Variants in ARPP21 observed in about 807,000 individuals in gnomAD.
The protein encoded by ARPP21 is cAMP-regulated phosphoprotein 21.
A neutral mutation model predicts 113.2 loss-of-function variants in ARPP21; 69 were observed. That is an observed-to-expected ratio of 0.61 (90% CI 0.50 to 0.74). The LOEUF is 0.74. Ranked by LOEUF, ARPP21 falls within the 30% of genes least tolerant of loss-of-function variation. The pLI is 0.00. For synonymous variants in ARPP21, 368 were observed against 375.5 expected (o/e 0.98, Z 0.23); for missense variants, 1,070 against 1,037.4 (o/e 1.03, Z -0.43).
intron 19 of ARPP21, among the ~76,000 whole-genome samples, chr3:35,756,363 T>C (rs1307311982): frequency 1.3e-5 from 2 of 152,144 alleles, no homozygotes; most frequent in Non-Finnish European, 2.9e-5. Flanking sequence ...TCAGTAGTTA[T>C]AGTATGATTC....
At chr3:35,704,123 T>A (rs1185560996) in intron 9 of ARPP21, among the ~76,000 whole-genome samples, 1 of 151,886 alleles carries the variant, frequency 6.6e-6, no homozygotes, top group Non-Finnish European at 1.5e-5. Flanking sequence ...TTCTCCATGA[T>A]CATTCAATAT....
In ARPP21 at chr3:35,792,389, G is replaced by T; in HGVS notation, c.2145G>T (p.Gln715His). The change falls in exon 20 of 21, where the codon CAG becomes CAT. Residue 715 changes from glutamine to histidine, a missense_variant. Gln to His is a conservative substitution (Grantham distance 24). Coordinates refer to ENST00000684406, the MANE Select transcript of ARPP21 (RefSeq NM_001385562.1). ...GATCTCTTTTCTTCGCAGGTTACCA[G>T]CCAGTCTTGTCTGGTCAACAGGGAT... Reference protein sequence around the residue: ...MPQAAQQAGYQPVLSGQQGFQ... With the variant: ...MPQAAQQAGYHPVLSGQQGFQ... 6.2e-7 allele frequency: 1 copy of T among 1,613,942 alleles called. No homozygotes were observed. The highest frequency in any genetic ancestry group is 8.5e-7 in the Non-Finnish European group (1 of 1,179,840).
intron 18 of ARPP21, 35 bp from the exon 19 acceptor site, chr3:35,743,804 T>G: frequency 6.2e-7 from 1 of 1,604,268 alleles, no homozygotes; most frequent in Non-Finnish European, 8.5e-7. Flanking sequence ...TATCTACATT[T>G]TCATTCTCTG....
intron 1 of ARPP21, among the ~76,000 whole-genome samples, chr3:35,675,153 T>A (rs1294642067): frequency 6.9e-6 from 1 of 144,500 alleles, no homozygotes; most frequent in Non-Finnish European, 1.5e-5. Context: ...GAATTTGCAT[T>A]TTTTTTTTAA....
Position 35,711,121 on chromosome 3 carries a change from G to C in ARPP21, c.897+2051G>C, listed in dbSNP as rs2150079060. On this transcript the variant is annotated intron_variant, in intron 11 of 20. Transcript: ENST00000684406. ...TAGGAATAGAGGTGTGAGCCCCTTT[G>C]GTAGCCTCCCTAGTGGCCAGCTCTT... 1.3e-5 allele frequency among the ~76,000 whole-genome samples: 2 copies of C among 152,264 alleles called. 1 individual carries two copies. The highest frequency in any genetic ancestry group is 4.1e-4 in the South Asian group (2 of 4,824).
intron 19 of ARPP21, among the ~76,000 whole-genome samples, chr3:35,766,003 C>T (rs770591725): frequency 1.3e-5 from 2 of 152,090 alleles, no homozygotes; most frequent in Non-Finnish European, 2.9e-5. Flanking sequence ...ATTAATGTAG[C>T]TCTGGGTACC....
intron 14 of ARPP21, among the ~76,000 whole-genome samples, chr3:35,727,968 C>T (rs1384381445): frequency 1.3e-5 from 2 of 151,936 alleles, no homozygotes; most frequent in Non-Finnish European, 2.9e-5. Context: ...GTTCCTGTTA[C>T]CTGTGTGTTT....
intron 6 of ARPP21, 83 bp downstream of exon 6, chr3:35,687,966 T>C (rs1260521615): frequency 2.0e-5 from 26 of 1,287,618 alleles, no homozygotes; most frequent in Non-Finnish European, 2.8e-5. Flanking sequence ...CACATGCATA[T>C]TCACCTCCCA....
intron 1 of ARPP21, among the ~76,000 whole-genome samples, chr3:35,677,273 T>TAC (rs10663445): frequency 0.016 from 2,466 of 150,832 alleles, 72 homozygotes; most frequent in African/African-American, 0.054. Flanking sequence ...ATATGTGTAA[T>TAC]ACACACACAC....
At chr3:35,793,583 A>AT in intron 20 of ARPP21, 118 bp from the exon 21 acceptor site, 1 of 700,720 alleles carries the variant, frequency 1.4e-6, no homozygotes, top group Non-Finnish European at 2.6e-6. Flanking sequence ...CAGAGCTGGA[A>AT]TTGATGACCT....
chr3:35,676,939 C>A (rs2077645569), intron 1 of ARPP21, among the ~76,000 whole-genome samples: 2 of 151,812 alleles, frequency 1.3e-5, no homozygotes, highest in South Asian at 4.1e-4. Flanking sequence ...TCAATCATCA[C>A]CCCAATATAC....
chr3:35,688,252 A>G (rs1351263174), intron 6 of ARPP21, among the ~76,000 whole-genome samples: 1 of 151,506 alleles, frequency 6.6e-6, no homozygotes, highest in Admixed American at 6.6e-5. Flanking sequence ...CTTAACTCTC[A>G]TGTTTATCTT....
intron 19 of ARPP21, among the ~76,000 whole-genome samples, chr3:35,757,985 A>G (rs931880232): frequency 6.6e-6 from 1 of 152,162 alleles, no homozygotes; most frequent in African/African-American, 2.4e-5. Context: ...ATTGTTGCAG[A>G]ATAGAGGGAC....
At chr3:35,640,584 G>A (rs529287227) in intron 1 of ARPP21, among the ~76,000 whole-genome samples, 186 bp downstream of exon 1, 27 of 152,268 alleles carry the variant, frequency 1.8e-4, no homozygotes, top group Admixed American at 1.1e-3. Flanking sequence ...TCGTCAAGGA[G>A]GGATGGACGC....
intron 19 of ARPP21, among the ~76,000 whole-genome samples, chr3:35,785,509 TAAAGAAAGAAAGAAAG>T (rs5847899): frequency 1.3e-5 from 2 of 150,334 alleles, no homozygotes; most frequent in Non-Finnish European, 3.0e-5. Flanking sequence ...TGCCCTGATT[TAAAGAAAGAAAGAAAG>T]AAAGAAAGAA....
intron 1 of ARPP21, among the ~76,000 whole-genome samples, chr3:35,672,043 G>A (rs1013683400): frequency 6.6e-6 from 1 of 151,964 alleles, no homozygotes; most frequent in Admixed American, 6.6e-5. Context: ...GTTTCATTAA[G>A]ATAGATTTTC....
At chr3:35,781,979 A>G (rs933779682) in intron 19 of ARPP21, among the ~76,000 whole-genome samples, 1 of 152,204 alleles carries the variant, frequency 6.6e-6, no homozygotes, top group Non-Finnish European at 1.5e-5. Context: ...GTTGAGCTGT[A>G]ATGAAATGTA....
intron 19 of ARPP21, among the ~76,000 whole-genome samples, chr3:35,775,778 C>T (rs1326607719): frequency 6.6e-6 from 1 of 151,972 alleles, no homozygotes; most frequent in East Asian, 1.9e-4. Flanking sequence ...ACATTTATAT[C>T]TCATTTCCTT....
chr3:35,643,772 G>C (rs1699087705), intron 1 of ARPP21: 1 of 152,056 alleles, frequency 6.6e-6, no homozygotes, highest in Admixed American at 6.6e-5. Flanking sequence ...GGTTAGGAGA[G>C]AATGTGGGGC....
Sources: allele counts gnomAD v4.1 joint callset (sites outside exome capture counted in the v4.1 genomes callset), GRCh38; gene constraint gnomAD v4.1.1; transcripts MANE v1.5; gene names NCBI Gene and HGNC (gene_info 2026-07-23, HGNC 2026-07-21).